The following HCN3 variants were observed in gnomAD, a reference collection of about 807,000 sequenced individuals.
HCN3 encodes the protein hyperpolarization activated cyclic nucleotide gated potassium channel 3.
In HCN3, 36 loss-of-function variants were observed where a neutral mutation model predicts 56.8. The ratio of observed to expected loss-of-function variants is 0.63; its 90% CI spans 0.49 to 0.84. HCN3 has a LOEUF of 0.84. Among genes scored for constraint, HCN3 ranks in the 40% least tolerant of loss-of-function variants. The pLI is 0.00. For missense variants in HCN3, 930 were observed against 1,079.3 expected, an observed-to-expected ratio of 0.86 and a Z score of 1.94; for synonymous variants, 425 against 439.7, an observed-to-expected ratio of 0.97 and a Z score of 0.42.
Position 155,288,222 on chromosome 1 carries a change from G to A in HCN3, c.2084G>A (p.Gly695Asp), listed in dbSNP as rs760590198. 1.3e-6 allele frequency: 2 copies of A among 1,578,328 alleles called. No individual in the cohort carries two copies. The highest frequency in any genetic ancestry group is 2.7e-5 in the African/African-American group (2 of 74,168). The change falls in exon 8 of 8, where the codon GGT (glycine) becomes GAT (aspartate). Residue 695 changes from glycine to aspartate, a missense_variant. Physicochemically the swap from Gly to Asp is moderately conservative, Grantham distance 94 (BLOSUM62 -1). Coordinates refer to ENST00000368358, the MANE Select transcript of HCN3 (RefSeq NM_020897.3). This position sits in a 1 kb window ranked among gnomAD's most constrained non-coding sequence, Gnocchi z 6.5. ...RAGRSQVSLL[G>D]PPPGGGGRRL... Reference sequence around the variant, plus strand: ...GGGCGCTCCCAGGTCTCCCTGCTGGGTCCCCCTCCAGGAGGAGGTGGACGG... The same window carrying A: ...GGGCGCTCCCAGGTCTCCCTGCTGGATCCCCCTCCAGGAGGAGGTGGACGG...
intron 2 of HCN3, 100 bp from the exon 3 acceptor site, chr1:155,283,874 G>T (rs533768752): frequency 3.7e-5 from 47 of 1,256,602 alleles, no homozygotes; most frequent in Non-Finnish European, 5.0e-5. Flanking sequence ...GGGGGCTGGG[G>T]CTAGGGAGTA....
intron 1 of HCN3, among the ~76,000 whole-genome samples, chr1:155,279,157 T>G (rs908778166): frequency 3.3e-5 from 5 of 152,136 alleles, no homozygotes; most frequent in African/African-American, 1.2e-4. Flanking sequence ...GGCTGAAAAT[T>G]GATTTTGCAG....
rs144688517 is a variant in HCN3, at chr1:155,287,322, C to T, written c.1627C>T (p.Arg543Trp). ...RRAFETVAMD[R>W]LLRIGKKNSI... is the part of the protein sequence containing the mutation. ...GGCCTTTGAGACTGTGGCCATGGAT[C>T]GGCTGCTCCGCATCGGTGAGACCTG... Residue 543 changes from arginine to tryptophan, a missense_variant, in exon 7 of 8, where the codon CGG (arginine) becomes TGG (tryptophan). Physicochemically the swap from Arg to Trp is moderately radical, Grantham distance 101. Coordinates refer to ENST00000368358, the MANE Select transcript of HCN3 (RefSeq NM_020897.3). 1.5e-5 allele frequency: 24 copies of T among 1,613,862 alleles called. No individual in the cohort carries two copies. The highest frequency in any genetic ancestry group is 1.8e-5 in the Non-Finnish European group (21 of 1,179,948).
rs754860095 is a variant in HCN3, at chr1:155,282,392, C to T, written c.279-19C>T. The T allele has an allele frequency of 1.9e-6, 3 of 1,611,958 alleles. No homozygotes were observed. The highest frequency in any genetic ancestry group is 1.7e-5 in the Admixed American group (1 of 59,988). On this transcript the variant is annotated intron_variant, in intron 1 of 7. Transcript: ENST00000368358. The surrounding 1 kb of genome is among the most constrained non-coding windows in gnomAD (Gnocchi z 4.7). ...GAAATATCCTCATGGTCTTACTCCT[C>T]ATCTCACTCCCACCTTAGGTTTTAC...
Position 155,288,209 on chromosome 1 carries a change from G to T in HCN3, c.2071G>T (p.Val691Phe). ...CCTATCCCGGGCAGGGCGCTCCCAG[G>T]TCTCCCTGCTGGGTCCCCCTCCAGG... ...ASLSRAGRSQ[V>F]SLLGPPPGGG... The change falls in exon 8 of 8, where the codon GTC (valine) becomes TTC (phenylalanine). Residue 691 changes from valine to phenylalanine, a missense_variant. Physicochemically the swap from Val to Phe is conservative, Grantham distance 50. Transcript: ENST00000368358. This position sits in a 1 kb window ranked among gnomAD's most constrained non-coding sequence, Gnocchi z 6.5. The T allele has an allele frequency of 6.3e-7, 1 of 1,575,792 alleles. No individual in the cohort carries two copies.
rs1198354258 is a variant in HCN3, at chr1:155,287,872, C to A, written c.1734C>A (p.Asp578Glu). 4 of 1,614,000 alleles carry A rather than the reference C, an allele frequency of 2.5e-6. No individual in the cohort carries two copies. The African/African-American group carries it at 4.0e-5, about 16-fold the overall frequency. ...GIMEQHLVQH[D>E]RDMARGVRGR... ...TGGAGCAGCACTTGGTGCAACATGA[C>A]AGAGACATGGCTCGGGGTGTTCGGG... Residue 578 changes from aspartate (D) to glutamate (E), a missense_variant, in exon 8 of 8, where the codon GAC (aspartate) becomes GAA (glutamate). Transcript: ENST00000368358.
intron 7 of HCN3, 82 bp downstream of exon 7, chr1:155,287,419 G>T: frequency 2.0e-6 from 3 of 1,523,194 alleles, no homozygotes; most frequent in Non-Finnish European, 2.7e-6. Context: ...AGGCTTTAGG[G>T]CTCCAGGGTC....
chr1:155,280,904 G>A (rs1184397768), intron 1 of HCN3, among the ~76,000 whole-genome samples: 6 of 147,038 alleles, frequency 4.1e-5, no homozygotes, highest in Middle Eastern at 4.0e-3. Flanking sequence ...ACAGGCATGT[G>A]CCACCACTCC....
Position 155,287,242 on chromosome 1 carries a change from C to T in HCN3, c.1547C>T (p.Ser516Leu), listed in dbSNP as rs769425868. The change falls in exon 7 of 8, where the codon TCA becomes TTA. Residue 516 changes from serine to leucine, a missense_variant. Coordinates refer to ENST00000368358, the MANE Select transcript of HCN3 (RefSeq NM_020897.3). ...GCTGACACCTACTGCCGCCTTTACT[C>T]ACTCAGCGTGGACCATTTCAATGCT... Reference protein sequence around the residue: ...VRADTYCRLYSLSVDHFNAVL... With the variant: ...VRADTYCRLYLLSVDHFNAVL... The T allele has an allele frequency of 3.7e-6, 6 of 1,614,070 alleles. No homozygotes were observed. The South Asian group carries it at 5.5e-5, about 15-fold the overall frequency.
chr1:155,288,755 CA>C lies in HCN3; in HGVS notation c.*296del, dbSNP rs1011143682. 2 of 425,150 alleles carry C rather than the reference CA, an allele frequency of 4.7e-6. No individual in the cohort carries two copies. Among genetic ancestry groups the C allele is most frequent in the African/African-American group, 2.0e-5 (1 of 49,712 alleles). The allele number at this position is 425,150 out of a possible 1,614,324, so 26.3% of individuals were successfully genotyped here. On this transcript the variant is annotated 3_prime_UTR_variant, in exon 8 of 8. Transcript: ENST00000368358. The surrounding 1 kb of genome is among the most constrained non-coding windows in gnomAD (Gnocchi z 6.5). ...TCTCCACTGCCAAGTAGAAGTGACT[CA>C]AAACCCTCTGACAAGGATATTCCCT...
At position 155,287,898 on chromosome 1, in the gene HCN3, G is replaced by A. The variant is rs1174679925; in HGVS notation, c.1760G>A (p.Gly587Asp). The change falls in exon 8 of 8, where the codon GGT (glycine) becomes GAT (aspartate). Residue 587 changes from glycine to aspartate, a missense_variant. Coordinates refer to ENST00000368358, the MANE Select transcript of HCN3 (RefSeq NM_020897.3). ...HDRDMARGVR[G>D]RAPSTGAQLS... ...AGAGACATGGCTCGGGGTGTTCGGGGTCGGGCCCCGAGCACAGGAGCTCAG... is the reference window on the plus strand; with the variant it reads ...AGAGACATGGCTCGGGGTGTTCGGGATCGGGCCCCGAGCACAGGAGCTCAG... 1.2e-6 allele frequency: 2 copies of A among 1,613,974 alleles called. No individual in the cohort carries two copies. Among genetic ancestry groups the A allele is most frequent in the Admixed American group, 1.7e-5 (1 of 60,030 alleles).
intron 1 of HCN3, among the ~76,000 whole-genome samples, chr1:155,278,988 C>T (rs891053339): frequency 3.3e-5 from 5 of 151,680 alleles, no homozygotes; most frequent in South Asian, 2.1e-4. Flanking sequence ...CATGGCTAGG[C>T]GAACCCTCTT....
chr1:155,285,371 G>T lies in HCN3; in HGVS notation c.1236+60G>T. 1.3e-6 allele frequency: 2 copies of T among 1,591,936 alleles called. No individual in the cohort carries two copies. The highest frequency in any genetic ancestry group is 1.7e-6 in the Non-Finnish European group (2 of 1,167,420). Reference sequence around the variant, plus strand: ...CAGGGACCTGGAGTGCTGTCTGGTGGTAGGGGCTATTGGTCAGCAGGTGCT... The same window carrying T: ...CAGGGACCTGGAGTGCTGTCTGGTGTTAGGGGCTATTGGTCAGCAGGTGCT... On this transcript the variant is annotated intron_variant, in intron 5 of 7. Coordinates refer to ENST00000368358, the MANE Select transcript of HCN3 (RefSeq NM_020897.3). This position sits in a 1 kb window ranked among gnomAD's most constrained non-coding sequence, Gnocchi z 4.5.
chr1:155,282,527 T>C lies in HCN3; in HGVS notation c.395T>C (p.Leu132Ser), dbSNP rs1674099826. 1 of 1,614,122 alleles carries C rather than the reference T, an allele frequency of 6.2e-7. No homozygotes were observed. The highest frequency in any genetic ancestry group is 1.3e-5 in the African/African-American group (1 of 74,950). Reference protein sequence around the residue: ...NSPPWIVFNVLSDTFFLLDLV... With the variant: ...NSPPWIVFNVSSDTFFLLDLV... ...CCGCCTTGGATCGTCTTCAACGTAT[T>C]GTCTGATACTTTCTTCCTACTGGAT... is the stretch of plus-strand genomic sequence containing the variant. The change falls in exon 2 of 8, where the codon TTG becomes TCG. Residue 132 changes from leucine (L) to serine (S), a missense_variant. Transcript: ENST00000368358. The surrounding 1 kb of genome is among the most constrained non-coding windows in gnomAD (Gnocchi z 4.7).
chr1:155,286,862 C>T (rs368759283), intron 6 of HCN3, among the ~76,000 whole-genome samples: 5 of 151,160 alleles, frequency 3.3e-5, no homozygotes, highest in African/African-American at 1.2e-4. Context: ...ATTGAGCAGT[C>T]GGGGAGGGGT....
Position 155,284,145 on chromosome 1 carries a change from C to G in HCN3, c.870+10C>G. On this transcript the variant is annotated intron_variant, in intron 3 of 7. Coordinates refer to ENST00000368358, the MANE Select transcript of HCN3 (RefSeq NM_020897.3). This position sits in a 1 kb window ranked among gnomAD's most constrained non-coding sequence, Gnocchi z 4.3. ...CATCAACCACATGGTGGTGAGAAGT[C>G]CCCACAGCTCTGCCTTTCCTGGGCC... The G allele has an allele frequency of 6.2e-7, 1 of 1,612,430 alleles. No individual in the cohort carries two copies.
In HCN3 at chr1:155,282,293, A is replaced by C. The variant is rs1674087198; in HGVS notation, c.279-118A>C. On this transcript the variant is annotated intron_variant, in intron 1 of 7. Transcript: ENST00000368358. This position sits in a 1 kb window ranked among gnomAD's most constrained non-coding sequence, Gnocchi z 4.7. The stretch of plus-strand genomic sequence containing the variant: ...ACTTATACTCCCAACAGCTGTAAAC[A>C]GTCATTCTGTTATTGTGTATCTTTG... The C allele has an allele frequency of 1.1e-6, 1 of 937,416 alleles. No homozygotes were observed. Among genetic ancestry groups the C allele is most frequent in the Non-Finnish European group, 1.6e-6 (1 of 608,112 alleles). 58.1% of individuals were successfully genotyped at this position (937,416 alleles called of 1,614,324 possible).
chr1:155,281,233 G>A (rs1440127602), intron 1 of HCN3, among the ~76,000 whole-genome samples: 1 of 151,572 alleles, frequency 6.6e-6, no homozygotes, highest in Non-Finnish European at 1.5e-5. Flanking sequence ...ACCATGCCCA[G>A]CTAATTTTTA....
chr1:155,288,600 C>A lies in HCN3; in HGVS notation c.*137C>A. 9.1e-7 allele frequency: 1 copy of A among 1,099,684 alleles called. No individual in the cohort carries two copies. The highest frequency in any genetic ancestry group is 1.3e-6 in the Non-Finnish European group (1 of 782,488). 68.1% of individuals were successfully genotyped at this position (1,099,684 alleles called of 1,614,324 possible). On this transcript the variant is annotated 3_prime_UTR_variant, in exon 8 of 8. Transcript: ENST00000368358. The surrounding 1 kb of genome is among the most constrained non-coding windows in gnomAD (Gnocchi z 6.5). The stretch of plus-strand genomic sequence containing the variant: ...CGACCCTGTGCGGACATTCCGCATA[C>A]TGCCATGAAGACGGTCTCTGTGTCC...
Sources: allele counts gnomAD v4.1 joint callset (sites outside exome capture counted in the v4.1 genomes callset), GRCh38; gene constraint gnomAD v4.1.1; non-coding constraint Gnocchi (gnomAD v3.1); transcripts MANE v1.5; gene names NCBI Gene and HGNC (gene_info 2026-07-23, HGNC 2026-07-21).